LZTS1: variants seen among roughly 807,000 people sequenced by gnomAD.
LZTS1 encodes leucine zipper tumor suppressor 1.
In LZTS1, 31 loss-of-function variants were observed where a neutral mutation model predicts 45.8. The ratio of observed to expected loss-of-function variants is 0.68; its 90% confidence interval spans 0.51 to 0.91. The LOEUF (loss-of-function observed/expected upper bound fraction) is 0.91, where lower values mean the gene tolerates loss of function less well. Among genes scored for constraint, LZTS1 ranks in the 40% least tolerant of loss-of-function variants. The pLI, the probability that LZTS1 is intolerant of heterozygous loss-of-function variation, is 0.00. For missense variants in LZTS1, 821 were observed against 788.9 expected (o/e 1.04, Z -0.49); for synonymous variants, 359 against 357.3 (o/e 1.00, Z -0.05).
chr8:20,254,869 T>TG lies in LZTS1; in HGVS notation c.312dup (p.Lys105GlnfsTer133), dbSNP rs755712848. The TG allele has an allele frequency of 6.2e-7, 1 of 1,613,472 alleles. No homozygotes were observed. On this transcript the variant is annotated frameshift_variant, in exon 2 of 4. Coordinates refer to ENST00000381569, the MANE Select transcript of LZTS1 (RefSeq NM_021020.5). LOFTEE classifies it high-confidence loss of function. ...AGCTGATTGGAGAAGGGCATGAGCTTGGGGGGTGTGGACGGGTCAAAGTCC... is the reference window on the plus strand; with the variant it reads ...AGCTGATTGGAGAAGGGCATGAGCTTGGGGGGGTGTGGACGGGTCAAAGTCC...
chr8:20,261,148 C>G (rs1290744417), intron 1 of LZTS1, among the ~76,000 whole-genome samples: 1 of 152,018 alleles, frequency 6.6e-6, no homozygotes, highest in East Asian at 1.9e-4. Flanking sequence ...TAAGAAATCA[C>G]ATAGATGTTG....
intron 1 of LZTS1, among the ~76,000 whole-genome samples, chr8:20,298,955 AG>A (rs1037287262): frequency 6.6e-6 from 1 of 152,222 alleles, no homozygotes; most frequent in African/African-American, 2.4e-5. Flanking sequence ...AAATGGCAAA[AG>A]GAGCTAACTA....
Position 20,251,140 on chromosome 8 carries a change from T to TATATATATATATATATAA in LZTS1, c.1150-778_1150-777insTTATATATATATATATAT, listed in dbSNP as rs1563850986. On this transcript the variant is annotated intron_variant, in intron 3 of 3. Coordinates refer to ENST00000381569, the MANE Select transcript of LZTS1 (RefSeq NM_021020.5). ...ATATATATATATATATATATATATA[T>TATATATATATATATATAA]ATATATATAAAATATAAAGTATAAG... Among the ~76,000 whole-genome samples the TATATATATATATATATAA allele has an allele frequency of 1.7e-4, 15 of 86,434 alleles. 1 individual carries two copies. Among genetic ancestry groups the TATATATATATATATATAA allele is most frequent in the African/African-American group, 6.9e-4 (14 of 20,218 alleles). 56.7% of individuals were successfully genotyped at this position (86,434 alleles called of 152,430 possible). A position where few individuals can be genotyped will look rare whatever the true frequency, so the allele number is the denominator to read the frequency against.
At chr8:20,299,100 C>T (rs962178865) in intron 1 of LZTS1, among the ~76,000 whole-genome samples, 6 of 152,072 alleles carry the variant, frequency 3.9e-5, no homozygotes, top group Non-Finnish European at 8.8e-5. Context: ...GGTTGAAAAC[C>T]TCCCATTTTT....
intron 1 of LZTS1, among the ~76,000 whole-genome samples, chr8:20,267,223 G>GCATCATC (rs1554552588): frequency 2.0e-5 from 3 of 151,720 alleles, no homozygotes; most frequent in Admixed American, 2.0e-4. Context: ...CTGGTTTCTG[G>GCATCATC]CATCGTCCTT....
Position 20,249,641 on chromosome 8 carries a change from G to A in LZTS1, c.*81C>T. On this transcript the variant is annotated 3_prime_UTR_variant, in exon 4 of 4. Transcript: ENST00000381569. Reference sequence around the variant, plus strand: ...GGAGTGGCGTCTCTCAGAGGGGTCTGAATTGCTGAGCAGGGGGGATGCACG... The same window carrying A: ...GGAGTGGCGTCTCTCAGAGGGGTCTAAATTGCTGAGCAGGGGGGATGCACG... 1 of 1,511,644 alleles carries A rather than the reference G, an allele frequency of 6.6e-7. No homozygotes were observed. Among genetic ancestry groups the A allele is most frequent in the South Asian group, 1.3e-5 (1 of 78,216 alleles). The allele number at this position is 1,511,644 out of a possible 1,614,324, so 93.6% of individuals were successfully genotyped here. A position where few individuals can be genotyped will look rare whatever the true frequency, so the allele number is the denominator to read the frequency against.
At chr8:20,271,898 G>A (rs1194650022) in intron 1 of LZTS1, among the ~76,000 whole-genome samples, 1 of 152,214 alleles carries the variant, frequency 6.6e-6, no homozygotes, top group Admixed American at 6.5e-5. Context: ...CTGGCTTGAT[G>A]TGCCTGGTGG....
At chr8:20,274,922 G>A (rs1203513238) in intron 1 of LZTS1, among the ~76,000 whole-genome samples, 3 of 150,850 alleles carry the variant, frequency 2.0e-5, no homozygotes, top group Non-Finnish European at 2.9e-5. Flanking sequence ...TCCTTGGAGC[G>A]CTGTGATCAA....
At chr8:20,271,749 A>G (rs1007066593) in intron 1 of LZTS1, among the ~76,000 whole-genome samples, 6 of 152,232 alleles carry the variant, frequency 3.9e-5, no homozygotes, top group African/African-American at 1.2e-4. Flanking sequence ...CTGTGTCTGA[A>G]TAAAGCAATG....
At position 20,253,594 on chromosome 8, in the gene LZTS1, G is replaced by A. The variant is rs188889890; in HGVS notation, c.346-9C>T. On this transcript the variant is annotated splice_polypyrimidine_tract_variant and intron_variant, in intron 2 of 3. Transcript: ENST00000381569. ...GCACCCTTCTCGGAGCCCTGTAGAGGAAAAGGACCGCGGTGACTCATGCCT... is the reference window on the plus strand; with the variant it reads ...GCACCCTTCTCGGAGCCCTGTAGAGAAAAAGGACCGCGGTGACTCATGCCT... 1,794 of 1,442,090 alleles carry A rather than the reference G, an allele frequency of 1.2e-3. 1 individual carries two copies. Among genetic ancestry groups the A allele is most frequent in the Non-Finnish European group, 1.5e-3 (1,687 of 1,099,868 alleles). The allele number at this position is 1,442,090 out of a possible 1,614,324, so 89.3% of individuals were successfully genotyped here.
chr8:20,297,478 G>A (rs879655140), intron 1 of LZTS1, among the ~76,000 whole-genome samples: 20 of 152,126 alleles, frequency 1.3e-4, no homozygotes, highest in African/African-American at 4.3e-4. Flanking sequence ...GCAGTGGTGC[G>A]ATCTCAGCTC....
intron 1 of LZTS1, among the ~76,000 whole-genome samples, chr8:20,283,522 C>T (rs899998969): frequency 5.3e-5 from 8 of 152,018 alleles, no homozygotes; most frequent in African/African-American, 9.7e-5. Context: ...TATAGCCGCC[C>T]GAACAGACTG....
At chr8:20,265,620 A>G (rs2128895070) in intron 1 of LZTS1, among the ~76,000 whole-genome samples, 1 of 137,214 alleles carries the variant, frequency 7.3e-6, no homozygotes, top group Admixed American at 8.4e-5. Flanking sequence ...TGGAGGTTGC[A>G]ATGAGCTATG....
intron 1 of LZTS1, among the ~76,000 whole-genome samples, chr8:20,294,315 GA>G (rs1206867632): frequency 6.6e-6 from 1 of 152,226 alleles, no homozygotes; most frequent in Non-Finnish European, 1.5e-5. Context: ...GATAGATGAA[GA>G]AATCCTGTCT....
Position 20,291,030 on chromosome 8 carries a change from G to T in LZTS1, c.-135+12710C>A, listed in dbSNP as rs1156998. Among the ~76,000 whole-genome samples the T allele has an allele frequency of 5.3e-3, 809 of 152,312 alleles. 12 individuals are homozygous for T. Among genetic ancestry groups the T allele is most frequent in the African/African-American group, 0.018 (767 of 41,578 alleles). ...GCTCCTCCACTCCTGCACCACATCT[G>T]GCATAAGCCAATCTGAGCATGACAC... On this transcript the variant is annotated intron_variant, in intron 1 of 3. Transcript: ENST00000381569.
intron 3 of LZTS1, among the ~76,000 whole-genome samples, chr8:20,251,306 T>C (rs1799901458): frequency 6.6e-6 from 1 of 151,764 alleles, no homozygotes; most frequent in Non-Finnish European, 1.5e-5. Flanking sequence ...TGTCACTCCC[T>C]TCGTGGCATG....
intron 1 of LZTS1, among the ~76,000 whole-genome samples, chr8:20,286,259 C>T (rs1450641637): frequency 6.6e-6 from 1 of 152,138 alleles, no homozygotes; most frequent in East Asian, 1.9e-4. Flanking sequence ...GTACTCATAT[C>T]AGAACATAGA....
At position 20,250,055 on chromosome 8, in the gene LZTS1, G is replaced by A. The variant is rs377011378; in HGVS notation, c.1458C>T (p.Arg486=). ...CGGGGAAGGTGGGCGGCCCCATGTC[G>A]CGGGCCAGGGCGGCCTGGGCCCGCA... ...QELRAQAALA[R]DMGPPTFPED... The change falls in exon 4 of 4, where the codon CGC becomes CGT. Residue 486 remains arginine, a synonymous_variant. Transcript: ENST00000381569. 2.8e-5 allele frequency: 45 copies of A among 1,607,494 alleles called. No individual in the cohort carries two copies. The highest frequency in any genetic ancestry group is 3.3e-5 in the Non-Finnish European group (39 of 1,178,904).
At chr8:20,283,465 A>G (rs950079693) in intron 1 of LZTS1, among the ~76,000 whole-genome samples, 2 of 152,094 alleles carry the variant, frequency 1.3e-5, no homozygotes, top group Non-Finnish European at 2.9e-5. Flanking sequence ...GAACTGTGAG[A>G]AATACATTTC....
Sources: gnomAD v4.1 joint callset for allele counts (sites outside exome capture counted in the v4.1 genomes callset) on GRCh38, gnomAD v4.1.1 for gene constraint, MANE v1.5 for transcripts, NCBI Gene and HGNC (gene_info 2026-07-23, HGNC 2026-07-21) for gene names.